The following ARMC9 variants were observed in gnomAD, a reference collection of about 807,000 sequenced individuals.
The protein encoded by ARMC9 is armadillo repeat containing 9, also known as lisH domain-containing protein ARMC9.
ARMC9 carries 94 observed loss-of-function variants against 107.0 expected under a neutral mutation model. The ratio of observed to expected loss-of-function variants is 0.88; its 90% CI spans 0.74 to 1.04. The LOEUF (loss-of-function observed/expected upper bound fraction) is 1.04. Among genes scored for constraint, ARMC9 ranks in the 50% least tolerant of loss-of-function variants. ARMC9 has a pLI of 0.00. For missense variants in ARMC9, 942 were observed against 1,030.1 expected (o/e 0.91, Z 1.17); for synonymous variants, 380 against 396.9 (o/e 0.96, Z 0.51).
chr2:231,296,492 C>T (rs773208257), intron 19 of ARMC9, among the ~76,000 whole-genome samples: 11 of 152,208 alleles, frequency 7.2e-5, no homozygotes, highest in Non-Finnish European at 1.2e-4. Flanking sequence ...ACAGCAGAGA[C>T]GCAGCATTGC....
In ARMC9 at chr2:231,216,654, A is replaced by G. The variant is rs1383347511; in HGVS notation, c.365A>G (p.Asp122Gly). The change falls in exon 5 of 25, where the codon GAT becomes GGT. Residue 122 changes from aspartate (D) to glycine (G), a missense_variant. Physicochemically the swap from Asp to Gly is moderately conservative, Grantham distance 94 (BLOSUM62 -1). Transcript: ENST00000611582. ...SVGRPDKEEL[D>G]EKISYFKTYL... ...TTCTTCTAGGACAAAGAGGAGCTGG[A>G]TGAAAAGATTTCCTACTTCAAAACC... is the stretch of plus-strand genomic sequence containing the variant. The G allele has an allele frequency of 6.2e-7, 1 of 1,613,564 alleles. No homozygotes were observed. Among genetic ancestry groups the G allele is most frequent in the Non-Finnish European group, 8.5e-7 (1 of 1,179,762 alleles).
chr2:231,256,318 C>T (rs926735315), intron 9 of ARMC9: 3 of 1,551,496 alleles, frequency 1.9e-6, no homozygotes, highest in Middle Eastern at 2.3e-4. Context: ...CTTGCTTGCT[C>T]GCTGGGTCTT....
chr2:231,313,566 A>G (rs2042478133), intron 19 of ARMC9, among the ~76,000 whole-genome samples: 1 of 152,154 alleles, frequency 6.6e-6, no homozygotes. Context: ...TTGTGCTACC[A>G]TCCCCACAAT....
In ARMC9 at chr2:231,358,968, C is replaced by G. The variant is rs1179326733; in HGVS notation, c.2132-1786C>G. On this transcript the variant is annotated intron_variant, in intron 22 of 24. Transcript: ENST00000611582. This position sits in a 1 kb window ranked among gnomAD's most constrained non-coding sequence, Gnocchi z 4.5. ...GCCCTGGGAGTTAAAATGCCCAGCC[C>G]TGTCTGAAATGGACCAGCAGGCAAG... 1.3e-5 allele frequency among the ~76,000 whole-genome samples: 2 copies of G among 152,110 alleles called. No homozygotes were observed. Among genetic ancestry groups the G allele is most frequent in the Admixed American group, 1.3e-4 (2 of 15,272 alleles).
intron 13 of ARMC9, among the ~76,000 whole-genome samples, chr2:231,271,357 G>GGTCATTT (rs2039314173): frequency 6.6e-6 from 1 of 152,102 alleles, no homozygotes; most frequent in Non-Finnish European, 1.5e-5. Context: ...TTGCTTTCAA[G>GGTCATTT]TATATCACAG....
chr2:231,232,485 C>T (rs1178116983), intron 7 of ARMC9, among the ~76,000 whole-genome samples: 1 of 148,252 alleles, frequency 6.7e-6, no homozygotes, highest in African/African-American at 2.5e-5. Flanking sequence ...GAGTTTCGCT[C>T]TTGTTGCCCT....
chr2:231,299,567 G>A (rs2125490035), intron 19 of ARMC9, among the ~76,000 whole-genome samples: 1 of 152,304 alleles, frequency 6.6e-6, no homozygotes, highest in East Asian at 1.9e-4. Flanking sequence ...AGGGCCAGGT[G>A]GGAAGTGAGA....
intron 9 of ARMC9, chr2:231,256,054 CA>C: frequency 2.6e-6 from 4 of 1,516,880 alleles, no homozygotes; most frequent in East Asian, 4.9e-5. Context: ...AAAACAAAAA[CA>C]AAAAAACCGC....
intron 3 of ARMC9, among the ~76,000 whole-genome samples, chr2:231,212,117 G>T (rs1262387252): frequency 2.6e-5 from 4 of 152,200 alleles, no homozygotes; most frequent in African/African-American, 9.6e-5. Context: ...AGTTTTATGT[G>T]TATAGTTCAG....
At chr2:231,244,364 C>CTTTTTT (rs780440851) in intron 9 of ARMC9, among the ~76,000 whole-genome samples, 1 of 129,910 alleles carries the variant, frequency 7.7e-6, no homozygotes, top group Non-Finnish European at 1.7e-5. Flanking sequence ...GAATGTGGAT[C>CTTTTTT]TTTTTTTTTT....
intron 20 of ARMC9, 54 bp from the exon 21 acceptor site, chr2:231,344,921 G>T: frequency 6.3e-7 from 1 of 1,575,068 alleles, no homozygotes; most frequent in Non-Finnish European, 8.7e-7. Flanking sequence ...TGACTTCTAG[G>T]TCAGCTCTCT....
intron 4 of ARMC9, among the ~76,000 whole-genome samples, chr2:231,215,455 T>C (rs916297450): frequency 1.3e-5 from 2 of 152,210 alleles, no homozygotes; most frequent in Non-Finnish European, 2.9e-5. Flanking sequence ...CCCAAAGTGC[T>C]GGGATTACAG....
At chr2:231,233,647 A>C (rs1290347420) in intron 7 of ARMC9, among the ~76,000 whole-genome samples, 2 of 152,038 alleles carry the variant, frequency 1.3e-5, no homozygotes, top group East Asian at 3.9e-4. Flanking sequence ...ATGGTGGCAC[A>C]TGCCTGTAAT....
At chr2:231,336,089 A>G (rs972244659) in intron 20 of ARMC9, among the ~76,000 whole-genome samples, 1 of 151,940 alleles carries the variant, frequency 6.6e-6, no homozygotes, top group African/African-American at 2.4e-5. Flanking sequence ...TTATTATTAT[A>G]AAAATAAATA....
chr2:231,199,734 C>T (rs1358761611), intron 1 of ARMC9, among the ~76,000 whole-genome samples: 1 of 152,186 alleles, frequency 6.6e-6, no homozygotes, highest in Admixed American at 6.5e-5. Flanking sequence ...CTTTCCCTGT[C>T]GCTCAGGCTG....
chr2:231,262,893 G>A (rs906549568), intron 12 of ARMC9, among the ~76,000 whole-genome samples: 7 of 152,262 alleles, frequency 4.6e-5, no homozygotes, highest in Admixed American at 3.3e-4. Context: ...CCAGGTCACC[G>A]TAAGCAAGTT....
In ARMC9 at chr2:231,231,576, A is replaced by G. The variant is rs528883524; in HGVS notation, c.623-3648A>G. Among the ~76,000 whole-genome samples the G allele has an allele frequency of 5.4e-3, 803 of 148,654 alleles. 10 individuals carry two copies. Among genetic ancestry groups the G allele is most frequent in the African/African-American group, 0.019 (769 of 40,280 alleles). ...TTTTTGTACTTTTAGTAGAGACGGG[A>G]TTTCACCACGTTGGCCAGGCTGGTC... On this transcript the variant is annotated intron_variant, in intron 7 of 24. Coordinates refer to ENST00000611582, the MANE Select transcript of ARMC9 (RefSeq NM_001352754.2).
chr2:231,369,839 C>A, intron 23 of ARMC9, 114 bp from the exon 24 acceptor site: 1 of 1,120,834 alleles, frequency 8.9e-7, no homozygotes, highest in Non-Finnish European at 1.2e-6. Flanking sequence ...GGTGATTTGT[C>A]CGCCTTGGCC....
At chr2:231,331,477 CAGAG>C (rs1314154048) in intron 19 of ARMC9, among the ~76,000 whole-genome samples, 4 of 152,126 alleles carry the variant, frequency 2.6e-5, no homozygotes, top group Admixed American at 6.5e-5. Flanking sequence ...CTTGATCTCA[CAGAG>C]AGAGAAGTTC....
Sources: allele counts gnomAD v4.1 joint callset (sites outside exome capture counted in the v4.1 genomes callset), GRCh38; gene constraint gnomAD v4.1.1; non-coding constraint Gnocchi (gnomAD v3.1); transcripts MANE v1.5; gene names NCBI Gene and HGNC (gene_info 2026-07-23, HGNC 2026-07-21).